NXPH1: variants seen among roughly 807,000 people sequenced by gnomAD.
The protein encoded by NXPH1 is neurexophilin 1.
Under a neutral mutation model 23.7 loss-of-function variants are expected in NXPH1, and 5 were observed. The observed-to-expected ratio is 0.21, with a 90% CI of 0.11 to 0.44. The LOEUF is 0.44. Ranked by LOEUF, NXPH1 falls within the 20% of genes least tolerant of loss-of-function variation. NXPH1 has a pLI of 0.99. For missense variants in NXPH1, 324 were observed against 321.6 expected (o/e 1.01, Z -0.06); for synonymous variants, 144 against 122.2 (o/e 1.18, Z -1.18).
chr7:8,493,846 T>A (rs1411066286), intron 2 of NXPH1, among the ~76,000 whole-genome samples: 1 of 151,998 alleles, frequency 6.6e-6, no homozygotes, highest in East Asian at 1.9e-4. Context: ...TCTCTCTCGG[T>A]CTCATTTTCT....
At chr7:8,481,211 C>A (rs555785431) in intron 2 of NXPH1, among the ~76,000 whole-genome samples, 1 of 152,194 alleles carries the variant, frequency 6.6e-6, no homozygotes, top group African/African-American at 2.4e-5. Flanking sequence ...TTCTCCTTTG[C>A]GGAACTCATA....
chr7:8,554,936 T>C (rs982746518), intron 2 of NXPH1, among the ~76,000 whole-genome samples: 2 of 151,722 alleles, frequency 1.3e-5, no homozygotes, highest in East Asian at 2.0e-4. Context: ...GAAATTGCCA[T>C]GACGTCTTGA....
In NXPH1 at chr7:8,456,455, G is replaced by C. The variant is rs111895177; in HGVS notation, c.54+20688G>C. Among the ~76,000 whole-genome samples, 517 of 152,268 alleles carry C rather than the reference G, an allele frequency of 3.4e-3. 6 individuals carry two copies. The highest frequency in any genetic ancestry group is 0.011 in the African/African-American group (476 of 41,544). On this transcript the variant is annotated intron_variant, in intron 2 of 2. Coordinates refer to ENST00000405863, the MANE Select transcript of NXPH1 (RefSeq NM_152745.3). ...CAGAGGTTGTGGGACCTTGAGTCTG[G>C]TCCAAGTGGCTCTGTGTGCTCAGCA... is the stretch of plus-strand genomic sequence containing the variant.
chr7:8,656,751 A>T (rs978280662), intron 2 of NXPH1, among the ~76,000 whole-genome samples: 2 of 147,110 alleles, frequency 1.4e-5, no homozygotes, highest in Non-Finnish European at 3.0e-5. Context: ...TGTCCATGTG[A>T]TCTCATTGTT....
chr7:8,622,965 A>T (rs1055073769), intron 2 of NXPH1, among the ~76,000 whole-genome samples: 3 of 152,198 alleles, frequency 2.0e-5, no homozygotes, highest in African/African-American at 7.2e-5. Context: ...ATTGTTATTA[A>T]TGAAGGAAGT....
chr7:8,487,729 A>G (rs1817182432), intron 2 of NXPH1, among the ~76,000 whole-genome samples: 1 of 152,146 alleles, frequency 6.6e-6, no homozygotes, highest in Non-Finnish European at 1.5e-5. Flanking sequence ...TAGAAAGAAT[A>G]AAATTTTGGA....
chr7:8,682,191 G>A (rs187840384), intron 2 of NXPH1, among the ~76,000 whole-genome samples: 3 of 152,274 alleles, frequency 2.0e-5, no homozygotes, highest in Admixed American at 2.0e-4. Flanking sequence ...GGGTCCTGAG[G>A]AGCACAGGTG....
intron 2 of NXPH1, among the ~76,000 whole-genome samples, chr7:8,722,093 A>G (rs753034963): frequency 3.9e-5 from 6 of 152,106 alleles, no homozygotes; most frequent in South Asian, 4.1e-4. Context: ...AAAAGTACCA[A>G]TGATGTGGGT....
intron 2 of NXPH1, among the ~76,000 whole-genome samples, chr7:8,451,124 T>TC (rs1554422254): frequency 2.6e-5 from 4 of 151,758 alleles, no homozygotes; most frequent in African/African-American, 9.7e-5. Context: ...TTTTTTTTTT[T>TC]CAACTATCAT....
intron 2 of NXPH1, among the ~76,000 whole-genome samples, chr7:8,678,476 C>G (rs1489284472): frequency 6.6e-6 from 1 of 152,140 alleles, no homozygotes; most frequent in Non-Finnish European, 1.5e-5. Flanking sequence ...CAGTGTTTTT[C>G]TCCAGTTGCA....
chr7:8,746,858 A>C (rs1780478568), intron 2 of NXPH1, among the ~76,000 whole-genome samples: 1 of 127,960 alleles, frequency 7.8e-6, no homozygotes, highest in East Asian at 2.7e-4. Flanking sequence ...TTTCCCCCAC[A>C]GCATGCTTTT....
At chr7:8,667,324 G>T (rs1432132157) in intron 2 of NXPH1, among the ~76,000 whole-genome samples, 1 of 151,868 alleles carries the variant, frequency 6.6e-6, no homozygotes, top group Non-Finnish European at 1.5e-5. Context: ...TCAGCTTGAA[G>T]AACTCCCTTT....
chr7:8,435,901 T>C lies in NXPH1; in HGVS notation c.54+134T>C. Reference sequence around the variant, plus strand: ...TCCTAGCAGCTGTGTTGGAGCAACTTTGGCAAGCTGGTCTCTGGATTCCTG... The same window carrying C: ...TCCTAGCAGCTGTGTTGGAGCAACTCTGGCAAGCTGGTCTCTGGATTCCTG... On this transcript the variant is annotated intron_variant, in intron 2 of 2. Transcript: ENST00000405863. This position sits in a 1 kb window ranked among gnomAD's most constrained non-coding sequence, Gnocchi z 5.9. 1.2e-6 allele frequency: 1 copy of C among 850,032 alleles called. No homozygotes were observed. The highest frequency in any genetic ancestry group is 1.4e-5 in the South Asian group (1 of 72,126). 52.7% of individuals were successfully genotyped at this position (850,032 alleles called of 1,614,324 possible). A position where few individuals can be genotyped will look rare whatever the true frequency, so the allele number is the denominator to read the frequency against.
intron 2 of NXPH1, among the ~76,000 whole-genome samples, chr7:8,575,114 T>C (rs1400393782): frequency 6.6e-6 from 1 of 152,162 alleles, no homozygotes; most frequent in East Asian, 1.9e-4. Context: ...AGAGTATTTC[T>C]GACTAAGCCT....
intron 2 of NXPH1, among the ~76,000 whole-genome samples, chr7:8,729,554 G>T (rs1312556701): frequency 8.0e-6 from 1 of 124,598 alleles, no homozygotes; most frequent in African/African-American, 3.6e-5. Context: ...TGTTCTCCTT[G>T]GTTTCAAAGA....
chr7:8,490,558 A>AT (rs1267381772), intron 2 of NXPH1, among the ~76,000 whole-genome samples: 1 of 151,944 alleles, frequency 6.6e-6, no homozygotes, highest in Non-Finnish European at 1.5e-5. Flanking sequence ...GTGATGATTC[A>AT]TTTTTTGTGG....
chr7:8,638,609 A>G (rs1016703824), intron 2 of NXPH1, among the ~76,000 whole-genome samples: 4 of 152,222 alleles, frequency 2.6e-5, no homozygotes, highest in African/African-American at 7.2e-5. Flanking sequence ...TTAGTTAGAT[A>G]ACAAACACTT....
intron 2 of NXPH1, among the ~76,000 whole-genome samples, chr7:8,615,335 A>T (rs1819712106): frequency 6.6e-6 from 1 of 152,088 alleles, no homozygotes; most frequent in African/African-American, 2.4e-5. Flanking sequence ...CTATGTAATT[A>T]ACCTCTCTGA....
chr7:8,649,632 G>A (rs1490363147), intron 2 of NXPH1, among the ~76,000 whole-genome samples: 1 of 152,146 alleles, frequency 6.6e-6, no homozygotes, highest in Non-Finnish European at 1.5e-5. Context: ...TCTATTGCAA[G>A]TGACCAAGGC....
Sources: gnomAD v4.1 joint callset for allele counts (sites outside exome capture counted in the v4.1 genomes callset) on GRCh38, gnomAD v4.1.1 for gene constraint, Gnocchi (gnomAD v3.1) non-coding constraint, MANE v1.5 for transcripts, NCBI Gene and HGNC (gene_info 2026-07-23, HGNC 2026-07-21) for gene names.